The following CLEC9A variants were observed in gnomAD, a reference collection of about 807,000 sequenced individuals.
CLEC9A encodes the protein C-type lectin domain family 9 member A.
A neutral mutation model predicts 30.0 loss-of-function variants in CLEC9A; 24 were observed. The observed-to-expected ratio is 0.80, with a 90% CI of 0.58 to 1.13. CLEC9A has a LOEUF of 1.13. Among genes scored for constraint, CLEC9A ranks in the 50% most tolerant of loss-of-function variants. The probability of loss-of-function intolerance (pLI) is 0.00; values close to 1 mark genes in which losing one functional copy is unlikely to be tolerated. For synonymous variants in CLEC9A, 111 were observed against 96.8 expected (o/e 1.15, Z -0.86); for missense variants, 251 against 280.9 (o/e 0.89, Z 0.76).
intron 5 of CLEC9A, among the ~76,000 whole-genome samples, chr12:10,054,628 T>C (rs1865924105): frequency 6.6e-6 from 1 of 152,372 alleles, no homozygotes; most frequent in African/African-American, 2.4e-5. Context: ...TTGTGAGTCA[T>C]GTTAACATGC....
chr12:10,031,833 G>A (rs1388504957), intron 1 of CLEC9A, among the ~76,000 whole-genome samples: 1 of 152,050 alleles, frequency 6.6e-6, no homozygotes, highest in Non-Finnish European at 1.5e-5. Flanking sequence ...GAACGAGTGA[G>A]CCGCCCGATG....
intron 2 of CLEC9A, among the ~76,000 whole-genome samples, chr12:10,046,650 A>G (rs1865849034): frequency 6.6e-6 from 1 of 152,216 alleles, no homozygotes; most frequent in South Asian, 2.1e-4. Flanking sequence ...AGTGAATACA[A>G]TTTATAAACA....
Position 10,064,805 on chromosome 12 carries a change from A to G in CLEC9A, c.545A>G (p.His182Arg), listed in dbSNP as rs1221832724. 12 of 1,613,688 alleles carry G rather than the reference A, an allele frequency of 7.4e-6. No homozygotes were observed. Among genetic ancestry groups the G allele is most frequent in the Non-Finnish European group, 1.0e-5 (12 of 1,179,762 alleles). Reference sequence around the variant, plus strand: ...TGGGTGGGGTTGTCTCAGGATGGACACAGCGGACGCTGGCTTTGGCAAGAT... The same window carrying G: ...TGGGTGGGGTTGTCTCAGGATGGACGCAGCGGACGCTGGCTTTGGCAAGAT... ...DYWVGLSQDG[H>R]SGRWLWQDGS... Residue 182 changes from histidine to arginine, a missense_variant, in exon 8 of 9, where the codon CAC (histidine) becomes CGC (arginine). Physicochemically the swap from His to Arg is conservative, Grantham distance 29. Coordinates refer to ENST00000355819, the MANE Select transcript of CLEC9A (RefSeq NM_207345.4).
chr12:10,055,735 A>C (rs1397830353), intron 5 of CLEC9A, among the ~76,000 whole-genome samples: 1 of 152,100 alleles, frequency 6.6e-6, no homozygotes, highest in Non-Finnish European at 1.5e-5. Flanking sequence ...GACAAAAATC[A>C]TATACTACAT....
intron 6 of CLEC9A, among the ~76,000 whole-genome samples, chr12:10,061,501 C>A (rs574730208): frequency 3.9e-5 from 6 of 152,056 alleles, no homozygotes; most frequent in Admixed American, 3.3e-4. Flanking sequence ...CAGTCAAATG[C>A]CAAAGAGGTG....
chr12:10,050,334 A>T (rs1865882426), intron 2 of CLEC9A, among the ~76,000 whole-genome samples: 1 of 152,238 alleles, frequency 6.6e-6, no homozygotes, highest in Non-Finnish European at 1.5e-5. Flanking sequence ...GTTGGAAAAA[A>T]TGGCACTGAT....
chr12:10,056,475 C>G (rs1270451589), intron 5 of CLEC9A, among the ~76,000 whole-genome samples: 2 of 152,182 alleles, frequency 1.3e-5, no homozygotes, highest in Non-Finnish European at 2.9e-5. Flanking sequence ...CCCCAAACAT[C>G]AGCATCATGT....
At chr12:10,062,440 A>G (rs1408302554) in intron 6 of CLEC9A, among the ~76,000 whole-genome samples, 3 of 152,220 alleles carry the variant, frequency 2.0e-5, no homozygotes, top group Non-Finnish European at 4.4e-5. Context: ...AACAGGTTCC[A>G]TAAAACTGAT....
intron 5 of CLEC9A, among the ~76,000 whole-genome samples, chr12:10,057,754 G>T (rs1361474678): frequency 6.6e-6 from 1 of 151,938 alleles, no homozygotes; most frequent in Non-Finnish European, 1.5e-5. Flanking sequence ...TATTTGAGTG[G>T]TAGTTCTCAA....
intron 5 of CLEC9A, among the ~76,000 whole-genome samples, chr12:10,056,492 G>C (rs1485367757): frequency 6.6e-6 from 1 of 152,118 alleles, no homozygotes; most frequent in East Asian, 1.9e-4. Context: ...ATGTACCTGA[G>C]TAACAAACCT....
At chr12:10,054,976 C>T (rs1376488213) in intron 5 of CLEC9A, among the ~76,000 whole-genome samples, 1 of 152,124 alleles carries the variant, frequency 6.6e-6, no homozygotes, top group African/African-American at 2.4e-5. Flanking sequence ...AATCATATCT[C>T]TATCTAAAAG....
chr12:10,035,697 C>T (rs1323348211), intron 1 of CLEC9A, among the ~76,000 whole-genome samples: 1 of 152,194 alleles, frequency 6.6e-6, no homozygotes, highest in African/African-American at 2.4e-5. Context: ...CTCATTGCAA[C>T]CTCTGCCTCT....
intron 4 of CLEC9A, among the ~76,000 whole-genome samples, chr12:10,053,684 A>G (rs976051048): frequency 6.6e-6 from 1 of 152,188 alleles, no homozygotes. Context: ...CACAATATTC[A>G]AAGATAAATT....
chr12:10,039,706 C>A (rs965276703), intron 1 of CLEC9A, among the ~76,000 whole-genome samples: 1 of 152,132 alleles, frequency 6.6e-6, no homozygotes, highest in Non-Finnish European at 1.5e-5. Context: ...TTGTAGTCTG[C>A]GTAGCTGTTG....
chr12:10,043,609 A>AGTGTGTGTGTGT (rs34659428), intron 2 of CLEC9A, among the ~76,000 whole-genome samples: 73 of 144,038 alleles, frequency 5.1e-4, no homozygotes, highest in African/African-American at 1.6e-3. Context: ...ACCATGGAAC[A>AGTGTGTGTGTGT]GTGTGTGTGT....
intron 2 of CLEC9A, among the ~76,000 whole-genome samples, chr12:10,050,506 A>G (rs966639927): frequency 2.0e-5 from 3 of 152,238 alleles, no homozygotes; most frequent in African/African-American, 7.2e-5. Context: ...AAAATAATTC[A>G]TGTATAAGTT....
intron 5 of CLEC9A, 117 bp downstream of exon 5, chr12:10,054,468 G>C: frequency 1.5e-6 from 1 of 672,228 alleles, no homozygotes; most frequent in Non-Finnish European, 2.4e-6. Flanking sequence ...ATAAAATAAT[G>C]GCCTCAAATT....
At chr12:10,058,788 A>AC (rs1011315039) in intron 5 of CLEC9A, among the ~76,000 whole-genome samples, 6 of 151,880 alleles carry the variant, frequency 4.0e-5, no homozygotes, top group Non-Finnish European at 4.4e-5. Flanking sequence ...CAAGTGAGCC[A>AC]CCCCCCTCAG....
intron 2 of CLEC9A, among the ~76,000 whole-genome samples, chr12:10,047,394 C>G (rs536869077): frequency 6.6e-6 from 1 of 152,230 alleles, no homozygotes; most frequent in Admixed American, 6.5e-5. Flanking sequence ...AAAATGTAAG[C>G]CAATCAAACT....
Sources: allele counts gnomAD v4.1 joint callset (sites outside exome capture counted in the v4.1 genomes callset), GRCh38; gene constraint gnomAD v4.1.1; transcripts MANE v1.5; gene names NCBI Gene and HGNC (gene_info 2026-07-23, HGNC 2026-07-21).